The following AUTS2 variants were observed in gnomAD, a reference collection of about 807,000 sequenced individuals.
AUTS2 encodes activator of transcription and developmental regulator AUTS2, also known as autism susceptibility gene 2 protein.
Under a neutral mutation model 112.4 loss-of-function variants are expected in AUTS2, and 17 were observed. The ratio of observed to expected loss-of-function variants is 0.15; its 90% confidence interval spans 0.10 to 0.23. The LOEUF (loss-of-function observed/expected upper bound fraction) is 0.23, where lower values mean the gene tolerates loss of function less well. Among genes scored for constraint, AUTS2 ranks in the 10% least tolerant of loss-of-function variants. The probability of loss-of-function intolerance (pLI) is 1.00; values close to 1 mark genes in which losing one functional copy is unlikely to be tolerated. For missense variants in AUTS2, 1,510 were observed against 1,701.6 expected (o/e 0.89, Z 1.98); for synonymous variants, 751 against 702.7 (o/e 1.07, Z -1.09).
chr7:70,545,740 T>TC (rs759696925), intron 5 of AUTS2, among the ~76,000 whole-genome samples: 11 of 152,124 alleles, frequency 7.2e-5, no homozygotes, highest in Non-Finnish European at 1.5e-4. Context: ...CCTCTGTCCC[T>TC]CCCCCTACTG....
At chr7:70,282,167 T>TA (rs34461626) in intron 4 of AUTS2, among the ~76,000 whole-genome samples, 2 of 152,178 alleles carry the variant, frequency 1.3e-5, no homozygotes, top group Admixed American at 6.5e-5. Context: ...TGTTTCCTAT[T>TA]AAAAAAAGAT....
intron 5 of AUTS2, among the ~76,000 whole-genome samples, chr7:70,688,198 C>T (rs775796276): frequency 4.6e-5 from 7 of 152,168 alleles, no homozygotes; most frequent in Non-Finnish European, 1.0e-4. Flanking sequence ...AACTAGCATG[C>T]TGGGACAATT....
intron 11 of AUTS2, among the ~76,000 whole-genome samples, chr7:70,771,935 G>A (rs985558423): frequency 1.3e-5 from 2 of 151,872 alleles, no homozygotes; most frequent in African/African-American, 2.4e-5. Context: ...TACCAATATC[G>A]TGGACATAAC....
chr7:70,768,877 C>CTTTTTTTT (rs66614263), intron 10 of AUTS2, among the ~76,000 whole-genome samples: 18,281 of 106,830 alleles, frequency 0.17, 1,718 homozygotes, highest in Middle Eastern at 0.2. Flanking sequence ...CCAGTGATTT[C>CTTTTTTTT]TTTTTTTTTT....
chr7:69,761,994 G>A (rs930985100), intron 1 of AUTS2, among the ~76,000 whole-genome samples: 1 of 152,196 alleles, frequency 6.6e-6, no homozygotes, highest in East Asian at 1.9e-4. Context: ...GTCTTGTATG[G>A]TGGTATACAA....
intron 1 of AUTS2, among the ~76,000 whole-genome samples, chr7:69,690,727 G>A (rs1187170411): frequency 6.6e-6 from 1 of 152,210 alleles, no homozygotes. Flanking sequence ...CTAGGTTTGG[G>A]CTTCCTGAAG....
chr7:70,474,453 C>T (rs1397476502), intron 5 of AUTS2, among the ~76,000 whole-genome samples: 3 of 152,162 alleles, frequency 2.0e-5, no homozygotes, highest in African/African-American at 4.8e-5. Context: ...AGTCATGGTC[C>T]TCATTGCTCC....
At chr7:69,781,153 C>T (rs1342945149) in intron 1 of AUTS2, among the ~76,000 whole-genome samples, 1 of 152,168 alleles carries the variant, frequency 6.6e-6, no homozygotes, top group East Asian at 1.9e-4. Context: ...CCGTATTAGT[C>T]CTACAATGAA....
At chr7:70,661,621 T>G (rs967045556) in intron 5 of AUTS2, among the ~76,000 whole-genome samples, 8 of 152,188 alleles carry the variant, frequency 5.3e-5, no homozygotes, top group Non-Finnish European at 1.2e-4. Context: ...GACAGTACTT[T>G]CTGTACATCG....
intron 5 of AUTS2, among the ~76,000 whole-genome samples, chr7:70,576,261 C>G (rs1802160836): frequency 6.6e-6 from 1 of 152,096 alleles, no homozygotes; most frequent in Non-Finnish European, 1.5e-5. Flanking sequence ...CTGAGTGGCC[C>G]ACCCTCCTCT....
chr7:69,807,940 CTTTTTTTTTTT>C (rs34491458), intron 1 of AUTS2, among the ~76,000 whole-genome samples: 1 of 120,446 alleles, frequency 8.3e-6, no homozygotes, highest in Non-Finnish European at 1.7e-5. Flanking sequence ...TAGGCCCAAG[CTTTTTTTTTTT>C]TTTTTTTTTT....
intron 5 of AUTS2, among the ~76,000 whole-genome samples, chr7:70,667,813 T>C (rs984891115): frequency 2.0e-5 from 3 of 152,250 alleles, no homozygotes; most frequent in Non-Finnish European, 4.4e-5. Flanking sequence ...AGTCCAAATC[T>C]GATTTTATGT....
intron 1 of AUTS2, among the ~76,000 whole-genome samples, chr7:69,789,724 C>T (rs1383020242): frequency 3.3e-5 from 5 of 151,970 alleles, no homozygotes; most frequent in African/African-American, 1.2e-4. Context: ...GTTAAGATTC[C>T]TTTTGGAACT....
chr7:69,980,061 CT>C (rs1798231822), intron 2 of AUTS2, among the ~76,000 whole-genome samples: 1 of 152,120 alleles, frequency 6.6e-6, no homozygotes, highest in Non-Finnish European at 1.5e-5. Flanking sequence ...TACCACCAGA[CT>C]TTTCCCCACT....
At chr7:69,948,365 C>T (rs1420747713) in intron 2 of AUTS2, among the ~76,000 whole-genome samples, 2 of 152,196 alleles carry the variant, frequency 1.3e-5, no homozygotes, top group Non-Finnish European at 2.9e-5. Context: ...CCCAAGAGGT[C>T]TTATGCCTGT....
chr7:70,590,603 T>C (rs1294462965), intron 5 of AUTS2, among the ~76,000 whole-genome samples: 2 of 152,284 alleles, frequency 1.3e-5, no homozygotes, highest in East Asian at 3.9e-4. Flanking sequence ...GTCATCATAG[T>C]TTTATATTTT....
At chr7:69,697,119 C>T (rs1041514104) in intron 1 of AUTS2, among the ~76,000 whole-genome samples, 1 of 152,174 alleles carries the variant, frequency 6.6e-6, no homozygotes, top group Non-Finnish European at 1.5e-5. Flanking sequence ...AGACCTCATC[C>T]ATAGTTTCTG....
chr7:70,464,035 A>G (rs1325337902), intron 5 of AUTS2, among the ~76,000 whole-genome samples: 2 of 152,182 alleles, frequency 1.3e-5, no homozygotes, highest in African/African-American at 2.4e-5. Flanking sequence ...CTCTTCCCAA[A>G]GGATGTGGGA....
At chr7:69,948,710 CT>C (rs780760170) in intron 2 of AUTS2, among the ~76,000 whole-genome samples, 1 of 152,012 alleles carries the variant, frequency 6.6e-6, no homozygotes, top group Non-Finnish European at 1.5e-5. Flanking sequence ...AGATGAACTG[CT>C]TTATATCACT....
Sources: gnomAD v4.1 joint callset for allele counts (sites outside exome capture counted in the v4.1 genomes callset) on GRCh38, gnomAD v4.1.1 for gene constraint, MANE v1.5 for transcripts, NCBI Gene and HGNC (gene_info 2026-07-23, HGNC 2026-07-21) for gene names.